The following GPC6 variants were observed in gnomAD, a reference collection of about 807,000 sequenced individuals.
GPC6 encodes glypican-6.
Under a neutral mutation model 55.2 loss-of-function variants are expected in GPC6, and 14 were observed. The observed-to-expected ratio is 0.25, with a 90% CI of 0.17 to 0.40. GPC6 has a LOEUF of 0.40. Among genes scored for constraint, GPC6 ranks in the 10% least tolerant of loss-of-function variants. GPC6 has a pLI of 1.00. For synonymous variants in GPC6, 278 were observed against 259.6 expected (o/e 1.07, Z -0.68); for missense variants, 641 against 708.5 (o/e 0.90, Z 1.08).
At chr13:94,255,630 G>C (rs948402635) in intron 4 of GPC6, among the ~76,000 whole-genome samples, 21 of 151,822 alleles carry the variant, frequency 1.4e-4, no homozygotes, top group Admixed American at 8.5e-4. Context: ...TCCTTATAGA[G>C]TCACCTGCTC....
intron 6 of GPC6, among the ~76,000 whole-genome samples, chr13:94,339,687 A>G (rs576461182): frequency 2.0e-5 from 3 of 151,394 alleles, no homozygotes; most frequent in African/African-American, 7.3e-5. Context: ...TAAATTTTCT[A>G]AGAGGAATGA....
intron 1 of GPC6, among the ~76,000 whole-genome samples, chr13:93,404,216 A>G (rs897492575): frequency 6.6e-6 from 1 of 152,176 alleles, no homozygotes; most frequent in African/African-American, 2.4e-5. Context: ...ACCAACTATA[A>G]CGAAGACTGG....
intron 1 of GPC6, among the ~76,000 whole-genome samples, chr13:93,422,920 A>G (rs967202573): frequency 6.6e-6 from 1 of 152,184 alleles, no homozygotes; most frequent in African/African-American, 2.4e-5. Context: ...CACAGAGTAG[A>G]GATTTAATTA....
At chr13:93,598,061 T>C (rs1322413961) in intron 2 of GPC6, among the ~76,000 whole-genome samples, 2 of 152,128 alleles carry the variant, frequency 1.3e-5, no homozygotes, top group Admixed American at 1.3e-4. Context: ...GGAGAATCAC[T>C]TGAACCCGGG....
At chr13:94,002,243 A>G (rs1160874528) in intron 3 of GPC6, among the ~76,000 whole-genome samples, 1 of 152,046 alleles carries the variant, frequency 6.6e-6, no homozygotes, top group Non-Finnish European at 1.5e-5. Flanking sequence ...AAACCTGTCT[A>G]AAATTTAGTC....
chr13:93,863,352 C>T (rs908455387), intron 3 of GPC6, among the ~76,000 whole-genome samples: 8 of 151,640 alleles, frequency 5.3e-5, no homozygotes, highest in African/African-American at 1.9e-4. Context: ...AAAATATTTA[C>T]TATCAAGTTC....
At chr13:93,985,991 A>G (rs1473174641) in intron 3 of GPC6, among the ~76,000 whole-genome samples, 3 of 152,042 alleles carry the variant, frequency 2.0e-5, no homozygotes, top group Non-Finnish European at 2.9e-5. Flanking sequence ...AAATGACTGA[A>G]GGTTTTTTAG....
chr13:93,950,581 A>C (rs1179951667), intron 3 of GPC6, among the ~76,000 whole-genome samples: 2 of 152,170 alleles, frequency 1.3e-5, no homozygotes, highest in African/African-American at 4.8e-5. Flanking sequence ...CTTAACAGTC[A>C]CAATTGCTCC....
At chr13:93,881,675 A>G (rs1196261255) in intron 3 of GPC6, among the ~76,000 whole-genome samples, 1 of 152,074 alleles carries the variant, frequency 6.6e-6, no homozygotes, top group East Asian at 1.9e-4. Context: ...TAATACTTGC[A>G]ATTATCTCTG....
chr13:93,721,237 C>T (rs1158874742), intron 2 of GPC6, among the ~76,000 whole-genome samples: 1 of 151,938 alleles, frequency 6.6e-6, no homozygotes, highest in Non-Finnish European at 1.5e-5. Flanking sequence ...CTTTATGAAT[C>T]TGGGTGCTCC....
intron 5 of GPC6, among the ~76,000 whole-genome samples, chr13:94,294,109 G>GAATTTCTCCCC (rs1875181605): frequency 6.6e-6 from 1 of 152,104 alleles, no homozygotes; most frequent in Non-Finnish European, 1.5e-5. Context: ...TTCCCCAAGG[G>GAATTTCTCCCC]AAGGGAGAAA....
chr13:93,218,541 T>G, the GPC6 span, among the ~76,000 whole-genome samples: 1 of 152,226 alleles, frequency 6.6e-6, no homozygotes, highest in Non-Finnish European at 1.5e-5. Context: ...CAGTTGGGCT[T>G]AATGTAGTCA....
intron 3 of GPC6, among the ~76,000 whole-genome samples, chr13:93,909,474 AAAAAG>A (rs1876849614): frequency 1.3e-5 from 2 of 152,188 alleles, no homozygotes; most frequent in African/African-American, 4.8e-5. Flanking sequence ...ACTATCAAAA[AAAAAG>A]AAAAGTCTCA....
chr13:93,291,813 GTA>G, intron 1 of GPC6, among the ~76,000 whole-genome samples: 1 of 152,158 alleles, frequency 6.6e-6, no homozygotes, highest in South Asian at 2.1e-4. Context: ...GTGTGTAGTG[GTA>G]TTTCCCATCC....
chr13:94,226,871 G>A (rs1374640428), intron 4 of GPC6, among the ~76,000 whole-genome samples: 1 of 152,170 alleles, frequency 6.6e-6, no homozygotes, highest in Non-Finnish European at 1.5e-5. Flanking sequence ...AGTGACTAGA[G>A]TTCTGTGAAA....
intron 4 of GPC6, among the ~76,000 whole-genome samples, chr13:94,222,986 C>T (rs1046900009): frequency 6.6e-6 from 1 of 152,058 alleles, no homozygotes; most frequent in Non-Finnish European, 1.5e-5. Flanking sequence ...CTCTTCTTTA[C>T]TGAATATGCT....
At chr13:93,757,530 A>G (rs921391819) in intron 2 of GPC6, among the ~76,000 whole-genome samples, 4 of 152,184 alleles carry the variant, frequency 2.6e-5, no homozygotes, top group African/African-American at 9.6e-5. Context: ...GTTCAGCCAC[A>G]GAGGATTAGA....
Position 93,667,735 on chromosome 13 carries a change from G to GTTTTTTTTTTTTT in GPC6, c.319+122315_319+122327dup, listed in dbSNP as rs71126408. Among the ~76,000 whole-genome samples the GTTTTTTTTTTTTT allele has an allele frequency of 6.1e-3, 749 of 122,946 alleles. 22 individuals carry two copies. The highest frequency in any genetic ancestry group is 0.026 in the African/African-American group (706 of 26,822). 80.7% of individuals were successfully genotyped at this position (122,946 alleles called of 152,430 possible). A position where few individuals can be genotyped will look rare whatever the true frequency, so the allele number is the denominator to read the frequency against. Reference sequence around the variant, plus strand: ...AAACCACCACACCCAGCCAGGACTTGTTTTTTTTTTTTTCTGTCAAATTTG... The same window carrying GTTTTTTTTTTTTT: ...AAACCACCACACCCAGCCAGGACTTGTTTTTTTTTTTTTTTTTTTTTTTTTTCTGTCAAATTTG... On this transcript the variant is annotated intron_variant, in intron 2 of 8. Transcript: ENST00000377047.
chr13:93,812,701 T>C (rs1452502085), intron 2 of GPC6, among the ~76,000 whole-genome samples: 2 of 152,034 alleles, frequency 1.3e-5, no homozygotes, highest in African/African-American at 4.8e-5. Flanking sequence ...TGACCAAGGG[T>C]GTTTGTTATT....
Sources: allele counts gnomAD v4.1 joint callset (sites outside exome capture counted in the v4.1 genomes callset), GRCh38; gene constraint gnomAD v4.1.1; transcripts MANE v1.5; gene names NCBI Gene and HGNC (gene_info 2026-07-23, HGNC 2026-07-21).